The following ST8SIA6 variants were observed in gnomAD, a reference collection of about 807,000 sequenced individuals.
The protein encoded by ST8SIA6 is alpha-2,8-sialyltransferase 8F.
In ST8SIA6, 39 loss-of-function variants were observed where a neutral mutation model predicts 33.6. That is an observed-to-expected ratio of 1.16 (90% CI 0.90 to 1.52). ST8SIA6 has a LOEUF of 1.52. Among genes scored for constraint, ST8SIA6 ranks in the 40% most tolerant of loss-of-function variants. The pLI is 0.00. For missense variants in ST8SIA6, 441 were observed against 443.8 expected (o/e 0.99, Z 0.06); for synonymous variants, 172 against 167.2 (o/e 1.03, Z -0.22).
chr10:17,377,980 TAAC>T (rs1206266866), intron 3 of ST8SIA6, among the ~76,000 whole-genome samples: 3 of 152,160 alleles, frequency 2.0e-5, no homozygotes, highest in Non-Finnish European at 4.4e-5. Context: ...AACACTTTTA[TAAC>T]AACAGGCAAT....
At chr10:17,371,783 TA>T (rs747851635) in intron 3 of ST8SIA6, among the ~76,000 whole-genome samples, 334 of 98,544 alleles carry the variant, frequency 3.4e-3, no homozygotes, top group African/African-American at 7.5e-3. Context: ...AAGACTCCAT[TA>T]AAAAAAAAAA....
intron 3 of ST8SIA6, among the ~76,000 whole-genome samples, chr10:17,380,017 A>G (rs1317398758): frequency 5.9e-5 from 9 of 152,098 alleles, no homozygotes; most frequent in African/African-American, 1.9e-4. Context: ...GTCTGAGAGC[A>G]CCCTCCAGAG....
chr10:17,349,962 A>C (rs1848977511), intron 4 of ST8SIA6, among the ~76,000 whole-genome samples: 2 of 152,198 alleles, frequency 1.3e-5, no homozygotes, highest in Non-Finnish European at 2.9e-5. Context: ...ACATACACAC[A>C]CAAATGAAAA....
chr10:17,394,679 A>T (rs143735671), intron 2 of ST8SIA6, among the ~76,000 whole-genome samples: 1 of 152,260 alleles, frequency 6.6e-6, no homozygotes, highest in East Asian at 1.9e-4. Context: ...ATGTCATTCA[A>T]ACTTGCTCCA....
rs1326262221 is a variant in ST8SIA6 at position 17,421,091 on chromosome 10, A to G, written c.201-30471T>C. ...CCTCCCCTGATACATGGGGATGACA[A>G]TTTGACAAGAGATTTGGGTGGAGAC... On this transcript the variant is annotated intron_variant, in intron 2 of 7. Transcript: ENST00000377602. 2.0e-5 allele frequency among the ~76,000 whole-genome samples: 3 copies of G among 152,174 alleles called. No homozygotes were observed. In the East Asian group the frequency reaches 5.8e-4, roughly 29 times the overall value.
chr10:17,328,862 G>A (rs1462575781), intron 5 of ST8SIA6, among the ~76,000 whole-genome samples: 1 of 152,182 alleles, frequency 6.6e-6, no homozygotes, highest in African/African-American at 2.4e-5. Context: ...TAAATATTCA[G>A]GAATTTTGTG....
intron 2 of ST8SIA6, among the ~76,000 whole-genome samples, chr10:17,421,277 A>C (rs144123808): frequency 1.4e-3 from 206 of 152,292 alleles, no homozygotes; most frequent in African/African-American, 4.6e-3. Context: ...ATTAGGATCT[A>C]TCTGTCTTCT....
rs1429383786 is a variant in ST8SIA6 at position 17,316,518 on chromosome 10, A to G, written c.*4360T>C. On this transcript the variant is annotated 3_prime_UTR_variant, in exon 8 of 8. Coordinates refer to ENST00000377602, the MANE Select transcript of ST8SIA6 (RefSeq NM_001004470.3). ...GATCAGAACAGGTCCTCTTGGCTGT[A>G]TATGCAAAAGTGCAATTACTGGACT... Among the ~76,000 whole-genome samples the G allele has an allele frequency of 2.0e-5, 3 of 152,106 alleles. No homozygotes were observed. The East Asian group carries it at 5.8e-4, about 29-fold the overall frequency.
intron 3 of ST8SIA6, among the ~76,000 whole-genome samples, chr10:17,362,606 G>C (rs1462566415): frequency 6.6e-6 from 1 of 152,104 alleles, no homozygotes; most frequent in African/African-American, 2.4e-5. Flanking sequence ...TTTACATGTT[G>C]GTTTCTTGGT....
intron 2 of ST8SIA6, among the ~76,000 whole-genome samples, chr10:17,436,198 C>T (rs1852248310): frequency 6.6e-6 from 1 of 152,148 alleles, no homozygotes; most frequent in Non-Finnish European, 1.5e-5. Context: ...TAACACTTGT[C>T]TTACTGATAA....
intron 2 of ST8SIA6, among the ~76,000 whole-genome samples, chr10:17,402,534 G>A (rs548249702): frequency 1.3e-5 from 2 of 152,314 alleles, no homozygotes; most frequent in Admixed American, 6.5e-5. Flanking sequence ...CAACCCAAAT[G>A]TCCATCAGTG....
chr10:17,389,227 T>G (rs975436373), intron 3 of ST8SIA6, among the ~76,000 whole-genome samples: 1 of 152,164 alleles, frequency 6.6e-6, no homozygotes, highest in African/African-American at 2.4e-5. Context: ...GAGACTGATT[T>G]GAGTAATAAA....
intron 2 of ST8SIA6, among the ~76,000 whole-genome samples, chr10:17,400,489 G>A (rs770864551): frequency 3.9e-5 from 6 of 152,096 alleles, no homozygotes; most frequent in Non-Finnish European, 5.9e-5. Flanking sequence ...CTGAGATCAC[G>A]CGACTGCACT....
intron 4 of ST8SIA6, among the ~76,000 whole-genome samples, chr10:17,356,040 G>T (rs1849178917): frequency 6.6e-6 from 1 of 152,136 alleles, no homozygotes; most frequent in African/African-American, 2.4e-5. Flanking sequence ...GACAGTATTT[G>T]TCTAAATCAC....
In ST8SIA6 at chr10:17,423,316, C is replaced by T. The variant is rs1851836709; in HGVS notation, c.200+30243G>A. On this transcript the variant is annotated intron_variant, in intron 2 of 7. Coordinates refer to ENST00000377602, the MANE Select transcript of ST8SIA6 (RefSeq NM_001004470.3). ...TTTCCTTGGGGGAAACTTCTGGAAT[C>T]CCCCAGAGTTGGTTTCCTTGTCATC... is the stretch of plus-strand genomic sequence containing the variant. 1.3e-5 allele frequency among the ~76,000 whole-genome samples: 2 copies of T among 152,268 alleles called. 1 individual carries two copies. Among genetic ancestry groups the T allele is most frequent in the South Asian group, 4.1e-4 (2 of 4,820 alleles).
chr10:17,375,021 C>T (rs1849864177), intron 3 of ST8SIA6, among the ~76,000 whole-genome samples: 1 of 102,024 alleles, frequency 9.8e-6, no homozygotes, highest in Non-Finnish European at 2.3e-5. Context: ...ACTGCAGCCT[C>T]AACCTCCTGG....
At chr10:17,329,950 C>A (rs888183348) in intron 5 of ST8SIA6, among the ~76,000 whole-genome samples, 1 of 152,112 alleles carries the variant, frequency 6.6e-6, no homozygotes, top group Non-Finnish European at 1.5e-5. Flanking sequence ...ACGTTTAATG[C>A]CGTCTTCTTG....
chr10:17,319,732 A>G lies in ST8SIA6; in HGVS notation c.*1146T>C, dbSNP rs996149029. The G allele has an allele frequency of 2.0e-5, 3 of 152,196 alleles. No homozygotes were observed. Among genetic ancestry groups the G allele is most frequent in the Non-Finnish European group, 4.4e-5 (3 of 68,024 alleles). 9.4% of individuals were successfully genotyped at this position (152,196 alleles called of 1,614,324 possible). A position where few individuals can be genotyped will look rare whatever the true frequency, so the allele number is the denominator to read the frequency against. ...TATATGTAAGTTTTATTAAAATAGC[A>G]TATAAAGTCCCCACATTGTATATTT... On this transcript the variant is annotated 3_prime_UTR_variant, in exon 8 of 8. Transcript: ENST00000377602.
intron 2 of ST8SIA6, among the ~76,000 whole-genome samples, chr10:17,390,862 T>C (rs1588877982): frequency 3.2e-5 from 2 of 61,978 alleles, no homozygotes; most frequent in Non-Finnish European, 2.8e-5. Flanking sequence ...TTTGAAGACC[T>C]TTTTTTTTTT....
Sources: gnomAD v4.1 joint callset for allele counts (sites outside exome capture counted in the v4.1 genomes callset) on GRCh38, gnomAD v4.1.1 for gene constraint, MANE v1.5 for transcripts, NCBI Gene and HGNC (gene_info 2026-07-23, HGNC 2026-07-21) for gene names.